Variants in CROT observed in about 807,000 individuals in gnomAD.
The protein encoded by CROT is carnitine O-octanoyltransferase.
In CROT, 84 loss-of-function variants were observed where a neutral mutation model predicts 89.2. The ratio of observed to expected loss-of-function variants is 0.94; its 90% CI spans 0.79 to 1.13. CROT has a LOEUF of 1.13. Ranked by LOEUF, CROT falls within the 50% of genes most tolerant of loss-of-function variation. The probability of loss-of-function intolerance (pLI) is 0.00; values close to 1 mark genes in which losing one functional copy is unlikely to be tolerated. For synonymous variants in CROT, 212 were observed against 239.5 expected, an observed-to-expected ratio of 0.89 and a Z score of 1.06; for missense variants, 711 against 727.8, an observed-to-expected ratio of 0.98 and a Z score of 0.27.
chr7:87,391,388 G>A (rs1807351240), intron 13 of CROT, among the ~76,000 whole-genome samples: 1 of 152,138 alleles, frequency 6.6e-6, no homozygotes, highest in Non-Finnish European at 1.5e-5. Context: ...CAGCAGCCAC[G>A]CCTTTGAAAC....
At chr7:87,398,439 C>G in intron 17 of CROT, 85 bp from the exon 18 acceptor site, 1 of 1,470,060 alleles carries the variant, frequency 6.8e-7, no homozygotes, top group South Asian at 1.1e-5. Flanking sequence ...GTATGAATAT[C>G]CAGATGAAAT....
At chr7:87,369,672 A>G (rs538457530) in intron 7 of CROT, 188 bp downstream of exon 7, 1 of 269,538 alleles carries the variant, frequency 3.7e-6, no homozygotes, top group Admixed American at 4.9e-5. Flanking sequence ...AGACATATAT[A>G]AATATGTTCA....
chr7:87,376,045 CT>C, intron 9 of CROT, 92 bp downstream of exon 9: 1 of 1,244,964 alleles, frequency 8.0e-7, no homozygotes, highest in Non-Finnish European at 1.1e-6. Context: ...CTTTTTCTAC[CT>C]TTAGGCTCTT....
intron 15 of CROT, 34 bp from the exon 16 acceptor site, chr7:87,392,693 ATTT>A (rs756791201): frequency 3.2e-5 from 52 of 1,610,708 alleles, no homozygotes; most frequent in Admixed American, 8.4e-5. Flanking sequence ...ATGGTGAAAA[ATTT>A]TTTTCTAACC....
At chr7:87,392,375 A>C (rs910724591) in intron 14 of CROT, among the ~76,000 whole-genome samples, 191 bp from the exon 15 acceptor site, 3 of 152,156 alleles carry the variant, frequency 2.0e-5, no homozygotes, top group Admixed American at 6.6e-5. Flanking sequence ...AAGAAATAAG[A>C]AGCAGGATAT....
At chr7:87,397,203 T>C (rs1379764072) in intron 17 of CROT, among the ~76,000 whole-genome samples, 1 of 151,946 alleles carries the variant, frequency 6.6e-6, no homozygotes, top group Admixed American at 6.6e-5. Context: ...AATACAAAAA[T>C]TAGCTGGTGT....
chr7:87,383,690 T>C (rs1176811578), intron 13 of CROT, among the ~76,000 whole-genome samples: 1 of 151,934 alleles, frequency 6.6e-6, no homozygotes, highest in Non-Finnish European at 1.5e-5. Flanking sequence ...AGAGATGGGG[T>C]TTCGTCGTGT....
At chr7:87,369,313 T>C (rs911112414) in intron 6 of CROT, 63 bp from the exon 7 acceptor site, 1 of 1,033,672 alleles carries the variant, frequency 9.7e-7, no homozygotes, top group African/African-American at 1.6e-5. Context: ...CTATTGGATA[T>C]ATGCATCTTT....
At chr7:87,375,563 C>A in intron 7 of CROT, 69 bp from the exon 8 acceptor site, 2 of 1,096,778 alleles carry the variant, frequency 1.8e-6, no homozygotes, top group Non-Finnish European at 2.8e-6. Context: ...AATGTTATGA[C>A]CTTTTAAAGG....
intron 3 of CROT, among the ~76,000 whole-genome samples, chr7:87,350,102 A>T (rs1805820317): frequency 6.6e-6 from 1 of 152,204 alleles, no homozygotes; most frequent in African/African-American, 2.4e-5. Context: ...TGAATATTAT[A>T]ATACCAAGCA....
chr7:87,396,104 C>CA (rs1205572642), intron 17 of CROT, among the ~76,000 whole-genome samples: 12 of 151,404 alleles, frequency 7.9e-5, no homozygotes, highest in Non-Finnish European at 1.2e-4. Context: ...GTCGATATGG[C>CA]AAAAAAAAGT....
chr7:87,366,518 A>G (rs1251880677), intron 6 of CROT, among the ~76,000 whole-genome samples: 1 of 152,200 alleles, frequency 6.6e-6, no homozygotes, highest in Non-Finnish European at 1.5e-5. Flanking sequence ...TCAATTGTAG[A>G]CGATCCATAG....
intron 7 of CROT, among the ~76,000 whole-genome samples, chr7:87,373,287 G>GT (rs1562933591): frequency 6.6e-6 from 1 of 151,834 alleles, no homozygotes; most frequent in African/African-American, 2.4e-5. Flanking sequence ...AAATTAGTTT[G>GT]TTTTTTTATT....
At chr7:87,385,973 A>G (rs1807171364) in intron 13 of CROT, among the ~76,000 whole-genome samples, 1 of 152,198 alleles carries the variant, frequency 6.6e-6, no homozygotes, top group Non-Finnish European at 1.5e-5. Flanking sequence ...TTGATGTGAT[A>G]TATCATGCTT....
intron 6 of CROT, among the ~76,000 whole-genome samples, chr7:87,363,199 A>C (rs979534768): frequency 2.6e-5 from 4 of 152,200 alleles, no homozygotes; most frequent in African/African-American, 9.6e-5. Context: ...GGGATTCATT[A>C]ATAATGCATC....
intron 10 of CROT, among the ~76,000 whole-genome samples, chr7:87,377,978 A>T (rs982973955): frequency 6.6e-6 from 1 of 152,118 alleles, no homozygotes; most frequent in African/African-American, 2.4e-5. Context: ...CCTCCCATGG[A>T]CATCTTCACT....
chr7:87,371,640 T>A (rs1264273195), intron 7 of CROT, among the ~76,000 whole-genome samples: 1 of 152,212 alleles, frequency 6.6e-6, no homozygotes, highest in African/African-American at 2.4e-5. Context: ...GCCAGTATTA[T>A]GTGAGGACAC....
At chr7:87,357,446 A>G in intron 3 of CROT, 1 of 1,550,664 alleles carries the variant, frequency 6.4e-7, no homozygotes, top group East Asian at 2.4e-5. Flanking sequence ...GAGGTGGCCA[A>G]TTAGTGCTGT....
At chr7:87,368,990 A>G (rs1057054069) in intron 6 of CROT, among the ~76,000 whole-genome samples, 2 of 152,254 alleles carry the variant, frequency 1.3e-5, no homozygotes, top group Non-Finnish European at 2.9e-5. Context: ...CTGATGAGTA[A>G]TTAACATTAA....
Sources: allele counts gnomAD v4.1 joint callset (sites outside exome capture counted in the v4.1 genomes callset), GRCh38; gene constraint gnomAD v4.1.1; transcripts MANE v1.5; gene names NCBI Gene and HGNC (gene_info 2026-07-23, HGNC 2026-07-21).